JAK1: variants seen among roughly 807,000 people sequenced by gnomAD.
The protein encoded by JAK1 is Janus kinase 1.
Under a neutral mutation model 136.6 loss-of-function variants are expected in JAK1, and 16 were observed. That is an observed-to-expected ratio of 0.12 (90% CI 0.08 to 0.18). The LOEUF is 0.18. JAK1 is among the 10% of genes least tolerant of loss of function. The pLI is 1.00. For missense variants in JAK1, 859 were observed against 1,450.1 expected, an observed-to-expected ratio of 0.59 and a Z score of 6.62; for synonymous variants, 492 against 519.5, an observed-to-expected ratio of 0.95 and a Z score of 0.72.
chr1:64,902,176 A>G (rs1386106735), intron 1 of JAK1, among the ~76,000 whole-genome samples: 1 of 152,194 alleles, frequency 6.6e-6, no homozygotes, highest in Non-Finnish European at 1.5e-5. Context: ...AGGCTCAAAG[A>G]CATTACATAA....
intron 1 of JAK1, among the ~76,000 whole-genome samples, chr1:64,917,401 C>T (rs1354164241): frequency 6.6e-6 from 1 of 152,148 alleles, no homozygotes; most frequent in Non-Finnish European, 1.5e-5. Flanking sequence ...CAGGCTCCAA[C>T]ACAGGAAATA....
intron 1 of JAK1, among the ~76,000 whole-genome samples, chr1:64,888,857 A>T (rs991232252): frequency 2.0e-5 from 3 of 152,228 alleles, no homozygotes; most frequent in African/African-American, 7.2e-5. Flanking sequence ...TTGAATGCCG[A>T]TTCAATAACA....
At chr1:64,932,704 G>A (rs771039504) in intron 1 of JAK1, among the ~76,000 whole-genome samples, 1 of 151,940 alleles carries the variant, frequency 6.6e-6, no homozygotes, top group African/African-American at 2.4e-5. Flanking sequence ...TAACACTAAC[G>A]CTATGGTTTG....
At position 64,864,992 on chromosome 1, in the gene JAK1, G is replaced by A; in HGVS notation, c.991-20C>T. On this transcript the variant is annotated intron_variant, in intron 7 of 24. Coordinates refer to ENST00000342505, the MANE Select transcript of JAK1 (RefSeq NM_002227.4). The stretch of plus-strand genomic sequence containing the variant: ...AACAACCTGATAAGATACATAAAAG[G>A]GACAGGGTTAAGTTGCTTTCTTCAT... The A allele has an allele frequency of 6.3e-7, 1 of 1,594,026 alleles. No homozygotes were observed. Among genetic ancestry groups the A allele is most frequent in the Non-Finnish European group, 8.6e-7 (1 of 1,165,718 alleles).
intron 1 of JAK1, among the ~76,000 whole-genome samples, chr1:64,934,638 A>G (rs975518203): frequency 5.3e-5 from 8 of 152,160 alleles, no homozygotes; most frequent in Middle Eastern, 3.4e-3. Context: ...CCTTCCATCT[A>G]CTGGACCTAC....
At chr1:64,931,771 A>G (rs992231675) in intron 1 of JAK1, among the ~76,000 whole-genome samples, 2 of 152,184 alleles carry the variant, frequency 1.3e-5, no homozygotes, top group Admixed American at 1.3e-4. Flanking sequence ...GTAAGGGAAT[A>G]AAAAGAGCCA....
rs540019537 is a variant in JAK1 at position 64,847,422 on chromosome 1, T to G, written c.1899+110A>C. 2.9e-6 allele frequency: 4 copies of G among 1,361,496 alleles called. No homozygotes were observed. In the East Asian group the frequency reaches 9.2e-5, roughly 31 times the overall value. The allele number at this position is 1,361,496 out of a possible 1,614,324, so 84.3% of individuals were successfully genotyped here. On this transcript the variant is annotated intron_variant, in intron 13 of 24. Coordinates refer to ENST00000342505, the MANE Select transcript of JAK1 (RefSeq NM_002227.4). ...AAAAAATTCTGAGTAAAAGGCAAGTTTGAAAACCACTGGGCCACAAGAAGG... is the reference window on the plus strand; with the variant it reads ...AAAAAATTCTGAGTAAAAGGCAAGTGTGAAAACCACTGGGCCACAAGAAGG...
chr1:64,945,313 T>G (rs1468567785), intron 1 of JAK1, among the ~76,000 whole-genome samples: 1 of 152,140 alleles, frequency 6.6e-6, no homozygotes, highest in East Asian at 1.9e-4. Context: ...TTAATAAAAA[T>G]TATTAATGCA....
chr1:65,032,058 T>C (rs542590664), intron 2 of JAK1, among the ~76,000 whole-genome samples: 1 of 151,556 alleles, frequency 6.6e-6, no homozygotes, highest in African/African-American at 2.4e-5. Context: ...CTCTGCCTCC[T>C]GGGTTCAAGC....
chr1:64,844,049 G>A lies in JAK1; in HGVS notation c.2403+15C>T. 1 of 1,613,452 alleles carries A rather than the reference G, an allele frequency of 6.2e-7. No homozygotes were observed. Among genetic ancestry groups the A allele is most frequent in the Non-Finnish European group, 8.5e-7 (1 of 1,179,892 alleles). On this transcript the variant is annotated intron_variant, in intron 17 of 24. Coordinates refer to ENST00000342505, the MANE Select transcript of JAK1 (RefSeq NM_002227.4). This position sits in a 1 kb window ranked among gnomAD's most constrained non-coding sequence, Gnocchi z 5.7. ...AGCCCTCACTTGCCTCACGCCCCGG[G>A]AAACACCTGCTCACCTCAATCAGCG...
At chr1:65,055,166 C>T (rs982067177) in intron 1 of JAK1, among the ~76,000 whole-genome samples, 3 of 152,164 alleles carry the variant, frequency 2.0e-5, no homozygotes, top group Non-Finnish European at 2.9e-5. Context: ...TCCATTCCCC[C>T]CTCTCCCCCA....
intron 1 of JAK1, among the ~76,000 whole-genome samples, chr1:64,945,894 C>T (rs1282846655): frequency 3.3e-5 from 5 of 152,016 alleles, no homozygotes; most frequent in Admixed American, 2.0e-4. Flanking sequence ...CCTGCCACCA[C>T]GCCCAGCTAA....
intron 11 of JAK1, among the ~76,000 whole-genome samples, chr1:64,854,105 CT>C (rs1655772683): frequency 6.6e-6 from 1 of 152,200 alleles, no homozygotes; most frequent in South Asian, 2.1e-4. Flanking sequence ...GCAGGAACCC[CT>C]ATCTGATCAA....
At chr1:64,886,371 T>G in intron 1 of JAK1, 30 bp from the exon 2 acceptor site, 1 of 1,294,220 alleles carries the variant, frequency 7.7e-7, no homozygotes, top group Admixed American at 2.8e-5. Flanking sequence ...AATAAATCAG[T>G]GGCAGAGGTA....
At chr1:64,979,883 G>T (rs1355317390) in intron 2 of JAK1, 1 of 152,190 alleles carries the variant, frequency 6.6e-6, no homozygotes, top group African/African-American at 2.4e-5. Context: ...AAAAGAGGCA[G>T]GAAAGTGTCA....
At chr1:64,993,432 A>G (rs1646675994) in intron 2 of JAK1, 1 of 152,136 alleles carries the variant, frequency 6.6e-6, no homozygotes, top group African/African-American at 2.4e-5. Context: ...ACAGTGCCCT[A>G]CACAGTGTAG....
At chr1:64,985,776 AGGCAGCCACCAGT>A (rs1258084994) in intron 2 of JAK1, 2 of 643,688 alleles carry the variant, frequency 3.1e-6, no homozygotes, top group Admixed American at 2.4e-5. Flanking sequence ...CAGTCCCATA[AGGCAGCCACCAGT>A]GGCAGCCAAC....
chr1:64,881,394 A>G (rs1644770571), intron 3 of JAK1, among the ~76,000 whole-genome samples: 1 of 152,136 alleles, frequency 6.6e-6, no homozygotes, highest in Non-Finnish European at 1.5e-5. Context: ...AGTATGATTC[A>G]AGGTTACTCA....
upstream of JAK1, among the ~76,000 whole-genome samples, chr1:64,966,975 G>A (rs1178058655): frequency 6.6e-6 from 1 of 151,252 alleles, no homozygotes; most frequent in Non-Finnish European, 1.5e-5. Flanking sequence ...TGGAGCACTA[G>A]ACTAAAAAGA....
Sources: gnomAD v4.1 joint callset for allele counts (sites outside exome capture counted in the v4.1 genomes callset) on GRCh38, gnomAD v4.1.1 for gene constraint, Gnocchi (gnomAD v3.1) non-coding constraint, MANE v1.5 for transcripts, NCBI Gene and HGNC (gene_info 2026-07-23, HGNC 2026-07-21) for gene names.